Variants in JARID2 observed in about 807,000 individuals in gnomAD.
The protein encoded by JARID2 is jumonji and AT-rich interaction domain containing 2, also known as protein Jumonji.
In JARID2, 21 loss-of-function variants were observed where a neutral mutation model predicts 125.6. The ratio of observed to expected loss-of-function variants is 0.17; its 90% CI spans 0.12 to 0.24. The LOEUF is 0.24. Among genes scored for constraint, JARID2 ranks in the 10% least tolerant of loss-of-function variants. JARID2 has a pLI of 1.00. For synonymous variants in JARID2, 736 were observed against 661.6 expected, an observed-to-expected ratio of 1.11 and a Z score of -1.73; for missense variants, 1,303 against 1,639.6, an observed-to-expected ratio of 0.79 and a Z score of 3.55.
intron 3 of JARID2, among the ~76,000 whole-genome samples, chr6:15,423,286 C>T (rs544899892): frequency 6.6e-6 from 1 of 152,314 alleles, no homozygotes; most frequent in South Asian, 2.1e-4. Context: ...GTGTGAGCCA[C>T]TATGCCTGGC....
intron 12 of JARID2, chr6:15,509,322 C>T: frequency 4.1e-6 from 4 of 985,338 alleles, no homozygotes; most frequent in Non-Finnish European, 4.8e-6. Context: ...GTTTATTGCC[C>T]TAATGGGGTG....
At position 15,461,925 on chromosome 6, in the gene JARID2, C is replaced by G. The variant is rs375496104; in HGVS notation, c.494-6617C>G. 1.1e-4 allele frequency among the ~76,000 whole-genome samples: 17 copies of G among 151,006 alleles called. No individual in the cohort carries two copies. The East Asian group carries it at 2.1e-3, about 19-fold the overall frequency. On this transcript the variant is annotated intron_variant, in intron 4 of 17. Coordinates refer to ENST00000341776, the MANE Select transcript of JARID2 (RefSeq NM_004973.4). ...ATACCTATTTAAAAAGAAGTACATT[C>G]CCAAGATGAGCATGATTGGATAGGC... is the stretch of plus-strand genomic sequence containing the variant.
chr6:15,352,986 C>T (rs1763482306), intron 1 of JARID2, among the ~76,000 whole-genome samples: 2 of 152,124 alleles, frequency 1.3e-5, no homozygotes, highest in South Asian at 4.1e-4. Flanking sequence ...TCCATGTTAT[C>T]GTCATGATGA....
chr6:15,251,173 G>A (rs1437743267), intron 1 of JARID2, among the ~76,000 whole-genome samples: 1 of 151,972 alleles, frequency 6.6e-6, no homozygotes, highest in Non-Finnish European at 1.5e-5. Context: ...TATCATGTCC[G>A]GCTAATTTTT....
Position 15,507,857 on chromosome 6 carries a change from G to A in JARID2, c.2731+441G>A, listed in dbSNP as rs569890262. Among the ~76,000 whole-genome samples, 315 of 152,350 alleles carry A rather than the reference G, an allele frequency of 2.1e-3. 1 individual carries two copies. The highest frequency in any genetic ancestry group is 3.5e-3 in the Non-Finnish European group (240 of 68,030). On this transcript the variant is annotated intron_variant, in intron 11 of 17. Coordinates refer to ENST00000341776, the MANE Select transcript of JARID2 (RefSeq NM_004973.4). ...TGAATGTGAAGGCCCAGGCCTTGGC[G>A]AAAGTGGCTAGGAACCTGTCCGGGT...
chr6:15,387,918 C>A (rs1350383748), intron 2 of JARID2, among the ~76,000 whole-genome samples: 1 of 152,096 alleles, frequency 6.6e-6, no homozygotes, highest in African/African-American at 2.4e-5. Flanking sequence ...AGTAATTCAT[C>A]TTATCTACCT....
At position 15,255,747 on chromosome 6, in the gene JARID2, G is replaced by C. The variant is rs1463165917; in HGVS notation, c.45+9163G>C. Among the ~76,000 whole-genome samples, 3 of 152,144 alleles carry C rather than the reference G, an allele frequency of 2.0e-5. No individual in the cohort carries two copies. In the East Asian group the frequency reaches 5.8e-4, roughly 29 times the overall value. ...GATTAGGGCTGAGCATGTGTTTCTT[G>C]CATTTAGTCCTTCTATAGGTTTGCA... On this transcript the variant is annotated intron_variant, in intron 1 of 17. Transcript: ENST00000341776.
chr6:15,319,861 T>C (rs1762296203), intron 1 of JARID2, among the ~76,000 whole-genome samples: 1 of 152,224 alleles, frequency 6.6e-6, no homozygotes, highest in Non-Finnish European at 1.5e-5. Flanking sequence ...TTATGCAAAT[T>C]TGATGCAGTC....
chr6:15,422,414 G>C (rs1258722178), intron 3 of JARID2, among the ~76,000 whole-genome samples: 1 of 152,176 alleles, frequency 6.6e-6, no homozygotes, highest in African/African-American at 2.4e-5. Flanking sequence ...TGATCAGCAA[G>C]GTGAACCTGA....
At chr6:15,341,572 T>G (rs1413310619) in intron 1 of JARID2, among the ~76,000 whole-genome samples, 3 of 152,170 alleles carry the variant, frequency 2.0e-5, no homozygotes, top group Non-Finnish European at 4.4e-5. Context: ...GACCTTCTGT[T>G]TTGTCATCAG....
rs141312182 is a variant in JARID2, at chr6:15,378,675, A to C, written c.181+4423A>C. Among the ~76,000 whole-genome samples, 146 of 152,326 alleles carry C rather than the reference A, an allele frequency of 9.6e-4. 4 individuals carry two copies. The East Asian group carries it at 0.027, about 28-fold the overall frequency. On this transcript the variant is annotated intron_variant, in intron 2 of 17. Coordinates refer to ENST00000341776, the MANE Select transcript of JARID2 (RefSeq NM_004973.4). ...ACTTTTTTGCAAGACAGAATGCATG[A>C]AAACTACATTGGATCTTTGCAATAG...
intron 2 of JARID2, among the ~76,000 whole-genome samples, chr6:15,396,864 A>G (rs967506038): frequency 2.6e-5 from 4 of 152,136 alleles, no homozygotes; most frequent in Non-Finnish European, 4.4e-5. Context: ...AGCCTTAACA[A>G]CCCAGTTAGT....
At chr6:15,322,050 G>T (rs1192792689) in intron 1 of JARID2, among the ~76,000 whole-genome samples, 1 of 152,040 alleles carries the variant, frequency 6.6e-6, no homozygotes, top group African/African-American at 2.4e-5. Flanking sequence ...CTCCCAAAGT[G>T]CTGTAATTAC....
chr6:15,410,221 T>C lies in JARID2; in HGVS notation c.182-3T>C. On this transcript the variant is annotated splice_polypyrimidine_tract_variant and splice_region_variant and intron_variant, in intron 2 of 17. Transcript: ENST00000341776. Reference sequence around the variant, plus strand: ...AGTGTTTGTCCCCTTTTCTCACCTGTAGGGCTCCTTGGTAATGACCAGTCT... The same window carrying C: ...AGTGTTTGTCCCCTTTTCTCACCTGCAGGGCTCCTTGGTAATGACCAGTCT... 1 of 1,613,314 alleles carries C rather than the reference T, an allele frequency of 6.2e-7. No homozygotes were observed. Among genetic ancestry groups the C allele is most frequent in the South Asian group, 1.1e-5 (1 of 90,990 alleles).
chr6:15,469,846 C>G (rs1446139324), intron 5 of JARID2, among the ~76,000 whole-genome samples: 1 of 151,920 alleles, frequency 6.6e-6, no homozygotes, highest in Non-Finnish European at 1.5e-5. Flanking sequence ...TAGTCCTGAA[C>G]CAATTGGAAT....
In JARID2 at chr6:15,504,606, C is replaced by G; in HGVS notation, c.2541+14C>G. The stretch of plus-strand genomic sequence containing the variant: ...GCCGAAATCGAGGTGAGAGAAGGGG[C>G]CCCTCACGCTGCCTCTCATGGTGTG... On this transcript the variant is annotated intron_variant, in intron 9 of 17. Transcript: ENST00000341776. 1.3e-6 allele frequency: 2 copies of G among 1,568,304 alleles called. No homozygotes were observed. Among genetic ancestry groups the G allele is most frequent in the Non-Finnish European group, 1.8e-6 (2 of 1,138,188 alleles).
intron 7 of JARID2, among the ~76,000 whole-genome samples, chr6:15,498,920 G>A (rs1369193435): frequency 6.6e-6 from 1 of 152,230 alleles, no homozygotes; most frequent in Non-Finnish European, 1.5e-5. Context: ...CCTGCAGACA[G>A]GAGGGAAACA....
intron 3 of JARID2, among the ~76,000 whole-genome samples, chr6:15,429,548 C>G (rs943678491): frequency 6.6e-6 from 1 of 152,078 alleles, no homozygotes; most frequent in African/African-American, 2.4e-5. Context: ...AGATTACAGA[C>G]CTGAGCCACC....
chr6:15,455,426 T>C (rs1181726172), intron 4 of JARID2, among the ~76,000 whole-genome samples: 2 of 152,212 alleles, frequency 1.3e-5, no homozygotes, highest in Non-Finnish European at 2.9e-5. Context: ...TGGGTGTTGC[T>C]AACTGTAGGC....
Sources: allele counts gnomAD v4.1 joint callset (sites outside exome capture counted in the v4.1 genomes callset), GRCh38; gene constraint gnomAD v4.1.1; transcripts MANE v1.5; gene names NCBI Gene and HGNC (gene_info 2026-07-23, HGNC 2026-07-21).